CD82: variants seen among roughly 807,000 people sequenced by gnomAD.
CD82 encodes the protein CD82 antigen.
CD82 carries 36 observed loss-of-function variants against 37.4 expected under a neutral mutation model. That is an observed-to-expected ratio of 0.96 (90% confidence interval 0.74 to 1.27). The LOEUF is 1.27. Ranked by LOEUF, CD82 falls within the 50% of genes most tolerant of loss-of-function variation. CD82 has a pLI of 0.00. For missense variants in CD82, 340 were observed against 347.0 expected (o/e 0.98, Z 0.16); for synonymous variants, 158 against 137.4 (o/e 1.15, Z -1.05).
At chr11:44,600,288 G>A (rs370003971) in intron 4 of CD82, 58 bp downstream of exon 4, 21 of 1,479,234 alleles carry the variant, frequency 1.4e-5, no homozygotes, top group African/African-American at 1.2e-4. Flanking sequence ...GGGCCAGGGC[G>A]CAGATACAGC....
rs757425084 is a variant in CD82, at chr11:44,605,152, C to G, written c.231C>G (p.Ala77=). The G allele has an allele frequency of 1.9e-6, 3 of 1,614,040 alleles. No homozygotes were observed. Among genetic ancestry groups the G allele is most frequent in the South Asian group, 1.1e-5 (1 of 91,092 alleles). Residue 77 remains alanine, a synonymous_variant, in exon 5 of 10, where the codon GCC becomes GCG. Transcript: ENST00000227155. ...TGGGCTTCCTGGGCTGCATCGGCGC[C>G]GTCAACGAGGTCCGCTGCCTGCTGG... is the stretch of plus-strand genomic sequence containing the variant. ...MLMGFLGCIG[A]VNEVRCLLGL...
intron 6 of CD82, among the ~76,000 whole-genome samples, chr11:44,609,271 G>A (rs1385902897): frequency 1.3e-5 from 2 of 152,228 alleles, no homozygotes; most frequent in African/African-American, 2.4e-5. Flanking sequence ...CCCAGTGCAG[G>A]CAGTCAGGGA....
intron 9 of CD82, 106 bp downstream of exon 9, chr11:44,618,829 T>A: frequency 9.8e-7 from 1 of 1,016,096 alleles, no homozygotes; most frequent in Non-Finnish European, 1.5e-6. Flanking sequence ...CAGCACCCCA[T>A]CAGCTTCCAG....
chr11:44,582,471 G>A (rs896893572), intron 1 of CD82, among the ~76,000 whole-genome samples: 10 of 152,168 alleles, frequency 6.6e-5, no homozygotes, highest in African/African-American at 2.4e-4. Context: ...CGCTGATTCT[G>A]GTTTCCTCTT....
At chr11:44,616,068 A>C (rs1379792770) in intron 7 of CD82, among the ~76,000 whole-genome samples, 1 of 152,228 alleles carries the variant, frequency 6.6e-6, no homozygotes, top group South Asian at 2.1e-4. Context: ...CTGGGACCTG[A>C]CATCTCTGAT....
intron 1 of CD82, among the ~76,000 whole-genome samples, chr11:44,575,719 C>T (rs920929895): frequency 7.9e-5 from 12 of 152,264 alleles, no homozygotes; most frequent in African/African-American, 2.6e-4. Flanking sequence ...AAAGGCTCAT[C>T]TTGTGAGGCC....
chr11:44,572,682 TTGGGTGGTG>T (rs2134617924), intron 1 of CD82, among the ~76,000 whole-genome samples: 2 of 152,172 alleles, frequency 1.3e-5, no homozygotes, highest in African/African-American at 4.8e-5. Context: ...ACCCTGAGCG[TTGGGTGGTG>T]TGTAGAAAGC....
intron 1 of CD82, among the ~76,000 whole-genome samples, chr11:44,586,733 C>T (rs1159596625): frequency 6.6e-6 from 1 of 152,210 alleles, no homozygotes; most frequent in Admixed American, 6.5e-5. Context: ...CCAGCGATAT[C>T]ATTCTAAGGA....
At chr11:44,605,285 C>G in intron 5 of CD82, 70 bp from the exon 6 acceptor site, 2 of 1,609,842 alleles carry the variant, frequency 1.2e-6, no homozygotes, top group South Asian at 1.1e-5. Flanking sequence ...GAGCATCTCT[C>G]GGGGCACGCA....
intron 1 of CD82, among the ~76,000 whole-genome samples, chr11:44,571,996 A>G (rs1852820953): frequency 6.6e-6 from 1 of 152,210 alleles, no homozygotes; most frequent in Admixed American, 6.5e-5. Context: ...GGTAAGTTAT[A>G]GCCCTTCTTG....
At chr11:44,579,632 G>A (rs1034741822) in intron 1 of CD82, among the ~76,000 whole-genome samples, 1 of 152,176 alleles carries the variant, frequency 6.6e-6, no homozygotes, top group African/African-American at 2.4e-5. Flanking sequence ...GCCCTGGGGA[G>A]GGAGCCCTGA....
chr11:44,602,588 T>A (rs1052504615), intron 4 of CD82, among the ~76,000 whole-genome samples: 6 of 152,214 alleles, frequency 3.9e-5, no homozygotes, highest in Non-Finnish European at 8.8e-5. Flanking sequence ...GAGCTGGGAT[T>A]AGAATCTACT....
At chr11:44,583,250 G>C (rs558151961) in intron 1 of CD82, among the ~76,000 whole-genome samples, 150 of 152,372 alleles carry the variant, frequency 9.8e-4, no homozygotes, top group African/African-American at 3.5e-3. Context: ...GCCTCAGCTT[G>C]ATTCTTTGGC....
chr11:44,606,710 G>A (rs1040658369), intron 6 of CD82: 3 of 152,328 alleles, frequency 2.0e-5, no homozygotes, highest in Non-Finnish European at 2.9e-5. Context: ...TCCATACAGC[G>A]TCTTGTCCTC....
chr11:44,596,800 G>A (rs567211832), intron 3 of CD82: 42 of 419,898 alleles, frequency 1.0e-4, no homozygotes, highest in South Asian at 6.2e-4. Context: ...ATCTTCAGAT[G>A]TTCAGGGCGG....
Position 44,619,183 on chromosome 11 carries a change from C to T in CD82, c.*57C>T. ...CCCCAACCTCAGGGCTCCCAGGGGT[C>T]TCCCTGGCTCCCTCCTCCAGGCCTG... is the stretch of plus-strand genomic sequence containing the variant. On this transcript the variant is annotated 3_prime_UTR_variant, in exon 10 of 10. Transcript: ENST00000227155. 1 of 1,316,470 alleles carries T rather than the reference C, an allele frequency of 7.6e-7. No homozygotes were observed. The highest frequency in any genetic ancestry group is 1.1e-6 in the Non-Finnish European group (1 of 908,556). 81.5% of individuals were successfully genotyped at this position (1,316,470 alleles called of 1,614,324 possible).
At chr11:44,571,004 C>A (rs531967889) in intron 1 of CD82, among the ~76,000 whole-genome samples, 4 of 152,292 alleles carry the variant, frequency 2.6e-5, no homozygotes, top group African/African-American at 4.8e-5. Context: ...GCAGCAGAAG[C>A]TTTTGCCTCT....
In CD82 at chr11:44,605,051, C is replaced by A. The variant is rs1408889420; in HGVS notation, c.137-7C>A. On this transcript the variant is annotated splice_polypyrimidine_tract_variant and splice_region_variant and intron_variant, in intron 4 of 9. Transcript: ENST00000227155. ...CCCACTGATTTTGTACTTCTTCTTC[C>A]CCCTAGAAACCTCCTCCAGCTCGCT... 4.3e-6 allele frequency: 7 copies of A among 1,614,058 alleles called. No homozygotes were observed.
intron 1 of CD82, among the ~76,000 whole-genome samples, chr11:44,569,175 G>A (rs955429978): frequency 6.6e-6 from 1 of 152,196 alleles, no homozygotes; most frequent in Non-Finnish European, 1.5e-5. Context: ...CTGAGGAGCT[G>A]GGAGGGGAAG....
Sources: allele counts gnomAD v4.1 joint callset (sites outside exome capture counted in the v4.1 genomes callset), GRCh38; gene constraint gnomAD v4.1.1; transcripts MANE v1.5; gene names NCBI Gene and HGNC (gene_info 2026-07-23, HGNC 2026-07-21).